Variants in HMGCLL1 observed in about 807,000 individuals in gnomAD.
HMGCLL1 encodes the protein 3-hydroxy-3-methylglutaryl-CoA lyase like 1, also known as 3-hydroxymethyl-3-methylglutaryl-CoA lyase, cytoplasmic.
Under a neutral mutation model 39.1 loss-of-function variants are expected in HMGCLL1, and 36 were observed. The observed-to-expected ratio is 0.92, with a 90% CI of 0.71 to 1.22. The LOEUF (loss-of-function observed/expected upper bound fraction) is 1.22. HMGCLL1 is among the 50% of genes most tolerant of loss of function. HMGCLL1 has a pLI of 0.00. For synonymous variants in HMGCLL1, 149 were observed against 144.0 expected (o/e 1.03, Z -0.25); for missense variants, 451 against 416.5 (o/e 1.08, Z -0.72).
the HMGCLL1 span, among the ~76,000 whole-genome samples, chr6:55,604,049 G>A: frequency 1.3e-5 from 2 of 152,154 alleles, no homozygotes; most frequent in Middle Eastern, 3.4e-3. Context: ...TGGGGAGAAA[G>A]GTTATTCAAA....
At chr6:55,639,145 GA>G in the HMGCLL1 span, among the ~76,000 whole-genome samples, 3 of 151,684 alleles carry the variant, frequency 2.0e-5, no homozygotes, top group African/African-American at 7.3e-5. Context: ...AAGAAATGTT[GA>G]ACTATTAAAT....
chr6:55,500,215 T>C (rs1454761232), intron 5 of HMGCLL1, among the ~76,000 whole-genome samples: 2 of 152,104 alleles, frequency 1.3e-5, no homozygotes, highest in East Asian at 3.9e-4. Flanking sequence ...TTGAACGCCA[T>C]TCCAAGTTGT....
intron 5 of HMGCLL1, among the ~76,000 whole-genome samples, chr6:55,500,261 A>C (rs1428554377): frequency 2.0e-5 from 3 of 152,026 alleles, no homozygotes; most frequent in Admixed American, 1.3e-4. Flanking sequence ...GTTTTGAGGC[A>C]CTGAAAATTA....
Position 55,548,148 on chromosome 6 carries a change from CAA to C in HMGCLL1, c.109-6010_109-6009del, listed in dbSNP as rs34562474. 3.3e-5 allele frequency among the ~76,000 whole-genome samples: 5 copies of C among 152,096 alleles called. No individual in the cohort carries two copies. The South Asian group carries it at 8.3e-4, about 25-fold the overall frequency. On this transcript the variant is annotated intron_variant, in intron 1 of 8. Transcript: ENST00000274901. ...AACAATATGTCTTAACTTACTACATCAAAAAGTAAAGGAAGGTATCTGCTTAC... is the reference window on the plus strand; with the variant it reads ...AACAATATGTCTTAACTTACTACATCAAAGTAAAGGAAGGTATCTGCTTAC...
intron 5 of HMGCLL1, among the ~76,000 whole-genome samples, chr6:55,506,448 A>T (rs1156348638): frequency 6.6e-6 from 1 of 151,640 alleles, no homozygotes. Flanking sequence ...GCCTTCCCTT[A>T]TCTAAGGTTT....
At chr6:55,500,835 A>G (rs1218582095) in intron 5 of HMGCLL1, among the ~76,000 whole-genome samples, 1 of 152,022 alleles carries the variant, frequency 6.6e-6, no homozygotes, top group Non-Finnish European at 1.5e-5. Flanking sequence ...TAATGATTAC[A>G]ATAACATGCT....
chr6:55,629,327 A>T, the HMGCLL1 span, among the ~76,000 whole-genome samples: 1 of 152,192 alleles, frequency 6.6e-6, no homozygotes, highest in African/African-American at 2.4e-5. Flanking sequence ...GTGAACTTTG[A>T]ACTTGAGAGA....
At chr6:55,646,727 G>T in the HMGCLL1 span, among the ~76,000 whole-genome samples, 1 of 151,782 alleles carries the variant, frequency 6.6e-6, no homozygotes, top group Non-Finnish European at 1.5e-5. Context: ...TTATTGATTT[G>T]TAGATTTATT....
chr6:55,461,285 G>C (rs1232587519), intron 7 of HMGCLL1, among the ~76,000 whole-genome samples: 1 of 151,822 alleles, frequency 6.6e-6, no homozygotes, highest in Non-Finnish European at 1.5e-5. Flanking sequence ...CCATTCCTTA[G>C]CTTTCTGAAA....
chr6:55,654,357 A>C, the HMGCLL1 span, among the ~76,000 whole-genome samples: 2 of 151,052 alleles, frequency 1.3e-5, no homozygotes, highest in Non-Finnish European at 3.0e-5. Flanking sequence ...ATTTATCATT[A>C]GATTAAACTT....
chr6:55,601,030 A>G, the HMGCLL1 span, among the ~76,000 whole-genome samples: 1 of 152,324 alleles, frequency 6.6e-6, no homozygotes, highest in East Asian at 1.9e-4. Context: ...ATAATTTTTA[A>G]CATTTTATGT....
intron 4 of HMGCLL1, 26 bp downstream of exon 4, chr6:55,516,482 T>G (rs775768575): frequency 6.8e-7 from 1 of 1,460,352 alleles, no homozygotes; most frequent in African/African-American, 1.4e-5. Flanking sequence ...GCCTATCAAT[T>G]TTAGAGATAT....
intron 1 of HMGCLL1, among the ~76,000 whole-genome samples, chr6:55,571,250 G>A (rs1771473056): frequency 6.6e-6 from 1 of 152,176 alleles, no homozygotes; most frequent in African/African-American, 2.4e-5. Flanking sequence ...TCATCTGTTA[G>A]ATGCTTTACA....
chr6:55,676,630 T>C, the HMGCLL1 span, among the ~76,000 whole-genome samples: 1 of 152,234 alleles, frequency 6.6e-6, no homozygotes, highest in Non-Finnish European at 1.5e-5. Flanking sequence ...ATGCTGAGCA[T>C]ATTTTTTACA....
the HMGCLL1 span, among the ~76,000 whole-genome samples, chr6:55,585,751 A>T: frequency 6.6e-6 from 1 of 152,098 alleles, no homozygotes; most frequent in Admixed American, 6.6e-5. Flanking sequence ...TGTAAAAACC[A>T]AATTTAGGAC....
intron 5 of HMGCLL1, among the ~76,000 whole-genome samples, chr6:55,507,651 T>C (rs1227085635): frequency 6.6e-6 from 1 of 151,874 alleles, no homozygotes; most frequent in Non-Finnish European, 1.5e-5. Flanking sequence ...CTGTATGTCC[T>C]GGCTTTTGAC....
the HMGCLL1 span, among the ~76,000 whole-genome samples, chr6:55,651,316 A>T: frequency 6.6e-6 from 1 of 152,078 alleles, no homozygotes; most frequent in Non-Finnish European, 1.5e-5. Context: ...TGGTGGCCAC[A>T]GGGTTTCTTT....
At chr6:55,511,365 G>A (rs951959816) in intron 5 of HMGCLL1, among the ~76,000 whole-genome samples, 2 of 151,980 alleles carry the variant, frequency 1.3e-5, no homozygotes, top group South Asian at 2.1e-4. Flanking sequence ...AGTTCTGAGC[G>A]TGTGTTAAAA....
At chr6:55,588,941 G>T in the HMGCLL1 span, among the ~76,000 whole-genome samples, 6 of 152,002 alleles carry the variant, frequency 3.9e-5, no homozygotes, top group Non-Finnish European at 5.9e-5. Flanking sequence ...AAAAGTCCAG[G>T]ACCAGATGGA....
Sources: gnomAD v4.1 joint callset for allele counts (sites outside exome capture counted in the v4.1 genomes callset) on GRCh38, gnomAD v4.1.1 for gene constraint, MANE v1.5 for transcripts, NCBI Gene and HGNC (gene_info 2026-07-23, HGNC 2026-07-21) for gene names.